Variants in BTBD8 observed in about 807,000 individuals in gnomAD.
The protein encoded by BTBD8 is BTB domain containing 8.
Under a neutral mutation model 162.9 loss-of-function variants are expected in BTBD8, and 110 were observed. The ratio of observed to expected loss-of-function variants is 0.68; its 90% CI spans 0.58 to 0.79. The LOEUF is 0.79. BTBD8 is among the 30% of genes least tolerant of loss of function. The pLI is 0.00. For missense variants in BTBD8, 1,905 were observed against 2,085.4 expected (o/e 0.91, Z 1.68); for synonymous variants, 667 against 716.1 (o/e 0.93, Z 1.10).
intron 4 of BTBD8, chr1:92,125,431 C>T (rs551900763): frequency 1.7e-5 from 5 of 294,932 alleles, no homozygotes; most frequent in East Asian, 1.8e-4. Context: ...CTGCTCAACC[C>T]GAGGGACTAA....
intron 3 of BTBD8, among the ~76,000 whole-genome samples, chr1:92,103,414 A>G (rs1270853371): frequency 1.3e-5 from 2 of 152,356 alleles, no homozygotes; most frequent in African/African-American, 4.8e-5. Context: ...GGAATGCATT[A>G]AAGATGGATG....
intron 2 of BTBD8, among the ~76,000 whole-genome samples, chr1:92,091,473 G>A (rs1409444880): frequency 6.6e-6 from 1 of 152,032 alleles, no homozygotes; most frequent in African/African-American, 2.4e-5. Context: ...GTATGTGTAT[G>A]TGTGTGTGTA....
At chr1:92,173,513 G>A (rs1650620541) in intron 13 of BTBD8, among the ~76,000 whole-genome samples, 1 of 152,090 alleles carries the variant, frequency 6.6e-6, no homozygotes, top group African/African-American at 2.4e-5. Flanking sequence ...CTACTCACCA[G>A]GCTTTTCTGC....
chr1:92,093,441 C>T (rs545590107), intron 2 of BTBD8, among the ~76,000 whole-genome samples: 19 of 152,232 alleles, frequency 1.2e-4, no homozygotes, highest in Admixed American at 3.3e-4. Flanking sequence ...ATCTGCCCAC[C>T]TTGGCCTCCC....
intron 4 of BTBD8, among the ~76,000 whole-genome samples, chr1:92,124,032 C>T (rs1401022392): frequency 6.6e-6 from 1 of 152,074 alleles, no homozygotes; most frequent in Non-Finnish European, 1.5e-5. Flanking sequence ...CTACTAAAAC[C>T]CCTCCTCTTT....
chr1:92,180,319 C>G lies in BTBD8; in HGVS notation c.2636C>G (p.Ser879Cys), dbSNP rs766924871. ...SVKSSVSSRQSDENVAKLDHN... is the reference protein window; with the variant it reads ...SVKSSVSSRQCDENVAKLDHN... ...AAATCTTCAGTCTCTTCAAGGCAGT[C>G]TGATGAAAATGTGGCAAAGTTGGAC... The change falls in exon 17 of 18, where the codon TCT (serine) becomes TGT (cysteine). Residue 879 changes from serine (S) to cysteine (C), a missense_variant. Ser to Cys is a moderately radical substitution (Grantham distance 112). This residue lies in a region of BTBD8 where 1,374 missense variants were observed against 1,442.7 expected (regional missense o/e 0.95). Transcript: ENST00000636805. The G allele has an allele frequency of 7.7e-6, 12 of 1,550,908 alleles. No individual in the cohort carries two copies. The highest frequency in any genetic ancestry group is 3.5e-6 in the Non-Finnish European group (4 of 1,146,802).
rs1444692417 is a variant in BTBD8 at position 92,180,513 on chromosome 1, G to T, written c.2830G>T (p.Gly944Ter). 6.4e-7 allele frequency: 1 copy of T among 1,551,482 alleles called. No individual in the cohort carries two copies. Among genetic ancestry groups the T allele is most frequent in the Non-Finnish European group, 8.7e-7 (1 of 1,146,916 alleles). Residue 944 changes from glycine (G) to a stop codon, truncating the protein, a stop_gained, in exon 17 of 18, where the codon GGA becomes TGA. Transcript: ENST00000636805. LOFTEE classifies it high-confidence loss of function. ...AGATTCAAAACAGAAAATGCCTCCT[G>T]GACAGGTTATATCAAAAACTCAGCC... Reference protein sequence around the residue: ...NKDSKQKMPPGQVISKTQPSS... With the variant: ...NKDSKQKMPP
At chr1:92,125,925 G>T in intron 4 of BTBD8, 1 of 440,352 alleles carries the variant, frequency 2.3e-6, no homozygotes. Context: ...AGGGAGCTTT[G>T]GAGAATTTGT....
intron 3 of BTBD8, among the ~76,000 whole-genome samples, chr1:92,107,460 T>G (rs1221353077): frequency 3.9e-5 from 6 of 152,180 alleles, no homozygotes; most frequent in Non-Finnish European, 8.8e-5. Context: ...TGTGTTACAG[T>G]TGCCAACACT....
Position 92,168,940 on chromosome 1 carries a change from TCACACAGAAAGC to T in BTBD8, c.1519_1530del (p.His507_Ser510del). ...TGGTTCAGTCTTTCTATGCTGTTCG[TCACACAGAAAGC>T]TGGAAGCTGATGAGCACAGATGATC... On this transcript the variant is annotated inframe_deletion, in exon 12 of 18. Coordinates refer to ENST00000636805, the MANE Select transcript of BTBD8 (RefSeq NM_001376131.1). 6.5e-7 allele frequency: 1 copy of T among 1,544,282 alleles called. No individual in the cohort carries two copies. Among genetic ancestry groups the T allele is most frequent in the Non-Finnish European group, 8.8e-7 (1 of 1,141,522 alleles).
At chr1:92,099,232 A>G (rs577048308) in intron 2 of BTBD8, among the ~76,000 whole-genome samples, 8 of 152,302 alleles carry the variant, frequency 5.3e-5, no homozygotes, top group South Asian at 2.1e-4. Flanking sequence ...ACTCAGTTCT[A>G]TTCCACTGAT....
rs1650402608 is a variant in BTBD8 at position 92,167,047 on chromosome 1, C to T, written c.1212C>T (p.Thr404=). 1 of 1,550,696 alleles carries T rather than the reference C, an allele frequency of 6.4e-7. No individual in the cohort carries two copies. The highest frequency in any genetic ancestry group is 8.7e-7 in the Non-Finnish European group (1 of 1,147,034). ...TGAAGTGGACGGAAGCAGCACTGAC[C>T]ATGGCGTCTCAGCTTCAAGAAAAAT... ...PRVKWTEAAL[T]MASQLQEKCI... Residue 404 remains threonine, a synonymous_variant, in exon 10 of 18, where the codon ACC becomes ACT. Coordinates refer to ENST00000636805, the MANE Select transcript of BTBD8 (RefSeq NM_001376131.1).
At chr1:92,115,123 G>A (rs1648999194) in intron 4 of BTBD8, 1 of 475,716 alleles carries the variant, frequency 2.1e-6, no homozygotes, top group East Asian at 5.5e-5. Context: ...ACGCCATTGA[G>A]CTTCCTGTTC....
At chr1:92,159,821 C>T (rs1436786441) in intron 9 of BTBD8, among the ~76,000 whole-genome samples, 1 of 152,144 alleles carries the variant, frequency 6.6e-6, no homozygotes, top group African/African-American at 2.4e-5. Context: ...TTGCTGCTTT[C>T]AAAATTTGCT....
At chr1:92,130,583 CAT>C (rs995442957) in intron 5 of BTBD8, among the ~76,000 whole-genome samples, 11 of 151,658 alleles carry the variant, frequency 7.3e-5, no homozygotes, top group Non-Finnish European at 1.3e-4. Context: ...CGCACACACA[CAT>C]ATATATACAC....
intron 15 of BTBD8, 135 bp from the exon 16 acceptor site, chr1:92,178,177 G>T: frequency 1.4e-6 from 1 of 700,088 alleles, no homozygotes; most frequent in Non-Finnish European, 2.4e-6. Flanking sequence ...AAAGACTTAT[G>T]AGCATATGAT....
Position 92,147,742 on chromosome 1 carries a change from C to A in BTBD8, c.1078C>A (p.Pro360Thr), listed in dbSNP as rs146821854. The change falls in exon 9 of 18, where the codon CCT (proline) becomes ACT (threonine). Residue 360 changes from proline to threonine, a missense_variant. This residue lies in a region of BTBD8 where 1,374 missense variants were observed against 1,442.7 expected (regional missense o/e 0.95). Transcript: ENST00000636805. ...WSERSFANIP[P>T]EIQKSCLNML... ...TGAGAGAAGCTTTGCAAATATACCT[C>A]CTGAGATTCAGAAAAGTTGTCTTAA... The A allele has an allele frequency of 9.9e-6, 16 of 1,613,404 alleles. No individual in the cohort carries two copies. In the African/African-American group the frequency reaches 2.0e-4, roughly 20 times the overall value.
In BTBD8 at chr1:92,142,619, G is replaced by A. The variant is rs147173365; in HGVS notation, c.930+1408G>A. The stretch of plus-strand genomic sequence containing the variant: ...GTATGAGGAGTCCACTCTGCACCCC[G>A]GTTACACATGGTCCACAGCGAAGGA... On this transcript the variant is annotated intron_variant, in intron 7 of 17. Transcript: ENST00000636805. Among the ~76,000 whole-genome samples, 40 of 152,274 alleles carry A rather than the reference G, an allele frequency of 2.6e-4. No homozygotes were observed. The East Asian group carries it at 6.6e-3, about 25-fold the overall frequency.
Position 92,147,171 on chromosome 1 carries a change from C to A in BTBD8, c.931-9C>A, listed in dbSNP as rs1380139966. ...AAGGAATAAATATGGTGTTTTCCAT[C>A]AATTTTAGCCTGTTCCCAGAACATT... On this transcript the variant is annotated splice_polypyrimidine_tract_variant and intron_variant, in intron 7 of 17. Transcript: ENST00000636805. The A allele has an allele frequency of 6.4e-7, 1 of 1,572,356 alleles. No homozygotes were observed. The highest frequency in any genetic ancestry group is 2.3e-5 in the East Asian group (1 of 43,916).
Sources: allele counts gnomAD v4.1 joint callset (sites outside exome capture counted in the v4.1 genomes callset), GRCh38; gene constraint gnomAD v4.1.1; regional missense constraint gnomAD v4.1.1; transcripts MANE v1.5; gene names NCBI Gene and HGNC (gene_info 2026-07-23, HGNC 2026-07-21).